BCAR3: variants seen among roughly 807,000 people sequenced by gnomAD.
BCAR3 encodes breast cancer anti-estrogen resistance protein 3.
BCAR3 carries 37 observed loss-of-function variants against 80.1 expected under a neutral mutation model. The ratio of observed to expected loss-of-function variants is 0.46; its 90% CI spans 0.36 to 0.61. BCAR3 has a LOEUF of 0.61. Ranked by LOEUF, BCAR3 falls within the 20% of genes least tolerant of loss-of-function variation. BCAR3 has a pLI of 0.00. For synonymous variants in BCAR3, 389 were observed against 418.9 expected, an observed-to-expected ratio of 0.93 and a Z score of 0.87; for missense variants, 978 against 1,068.2, an observed-to-expected ratio of 0.92 and a Z score of 1.18.
chr1:93,787,460 T>C (rs1652987428), intron 2 of BCAR3, among the ~76,000 whole-genome samples: 1 of 152,216 alleles, frequency 6.6e-6, no homozygotes, highest in South Asian at 2.1e-4. Flanking sequence ...GCTACGAACT[T>C]TCCTCTTAGC....
At chr1:93,625,063 T>C (rs78419083) in intron 3 of BCAR3, among the ~76,000 whole-genome samples, 2 of 152,026 alleles carry the variant, frequency 1.3e-5, no homozygotes, top group African/African-American at 4.8e-5. Context: ...ACAAAAAAAT[T>C]AGCCAGGCAT....
intron 2 of BCAR3, among the ~76,000 whole-genome samples, chr1:93,707,706 C>CAATA (rs938389392): frequency 1.3e-5 from 2 of 151,956 alleles, no homozygotes; most frequent in Admixed American, 1.3e-4. Flanking sequence ...GACTCAGTCT[C>CAATA]AATAAATAAA....
rs189239783 is a variant in BCAR3 at position 93,577,963 on chromosome 1, C to T, written c.1687-1834G>A. Among the ~76,000 whole-genome samples, 13 of 152,372 alleles carry T rather than the reference C, an allele frequency of 8.5e-5. No individual in the cohort carries two copies. In the East Asian group the frequency reaches 9.6e-4, roughly 11 times the overall value. ...GGCTGAGGGGATCCCAAGCTCACAC[C>T]GCAGGGCCTGCATTAGGTTCCCTGA... is the stretch of plus-strand genomic sequence containing the variant. On this transcript the variant is annotated intron_variant, in intron 7 of 11. Coordinates refer to ENST00000260502, the MANE Select transcript of BCAR3 (RefSeq NM_003567.4).
At chr1:93,762,852 C>G (rs759762377) in intron 2 of BCAR3, among the ~76,000 whole-genome samples, 1 of 152,070 alleles carries the variant, frequency 6.6e-6, no homozygotes, top group South Asian at 2.1e-4. Context: ...TCTCCCAGTC[C>G]CCTCCATTCC....
intron 2 of BCAR3, among the ~76,000 whole-genome samples, chr1:93,820,715 A>G (rs1056796353): frequency 3.3e-5 from 5 of 152,126 alleles, no homozygotes; most frequent in African/African-American, 1.2e-4. Context: ...TTACATAGGC[A>G]TGATTGATTA....
chr1:93,667,629 G>A (rs962477396), intron 2 of BCAR3, among the ~76,000 whole-genome samples: 1 of 152,174 alleles, frequency 6.6e-6, no homozygotes, highest in Non-Finnish European at 1.5e-5. Flanking sequence ...AACTAGGGAA[G>A]GTTTCTCAGA....
At chr1:93,572,276 A>C (rs1673250834) in intron 8 of BCAR3, among the ~76,000 whole-genome samples, 1 of 152,152 alleles carries the variant, frequency 6.6e-6, no homozygotes, top group African/African-American at 2.4e-5. Context: ...GGATTTGGGG[A>C]TGGAAGGGAC....
chr1:93,642,913 T>A (rs936416365), intron 2 of BCAR3, among the ~76,000 whole-genome samples: 3 of 152,192 alleles, frequency 2.0e-5, no homozygotes, highest in Non-Finnish European at 4.4e-5. Context: ...ATCCTACTGT[T>A]CTGTGTGCCC....
intron 2 of BCAR3, among the ~76,000 whole-genome samples, chr1:93,802,824 C>T (rs1399818649): frequency 6.6e-6 from 1 of 152,184 alleles, no homozygotes; most frequent in African/African-American, 2.4e-5. Flanking sequence ...CTTTTAGAAG[C>T]TTCTAAATAC....
At chr1:93,733,855 T>C (rs968528207) in intron 2 of BCAR3, among the ~76,000 whole-genome samples, 11 of 152,262 alleles carry the variant, frequency 7.2e-5, no homozygotes, top group African/African-American at 2.7e-4. Flanking sequence ...CTTTTTTCTT[T>C]TAAGCATTAG....
Position 93,739,998 on chromosome 1 carries a change from T to TCGGGTG in BCAR3, c.-62-33857_-62-33856insCACCCG, listed in dbSNP as rs1170324347. 2.6e-4 allele frequency among the ~76,000 whole-genome samples: 39 copies of TCGGGTG among 148,526 alleles called. 3 individuals carry two copies. The highest frequency in any genetic ancestry group is 1.2e-3 in the Admixed American group (18 of 14,784). On this transcript the variant is annotated intron_variant, in intron 2 of 13. Transcript: ENST00000370244. ...GTGCAGTGAGCCGAGATCATGCCAC[T>TCGGGTG]GCACTCCAGCCTGGGTGACAGAGTG...
At chr1:93,730,187 C>G (rs1650733657) in intron 2 of BCAR3, among the ~76,000 whole-genome samples, 1 of 152,142 alleles carries the variant, frequency 6.6e-6, no homozygotes, top group African/African-American at 2.4e-5. Flanking sequence ...GTGAGCTTTT[C>G]TCCTTGGAAG....
intron 3 of BCAR3, among the ~76,000 whole-genome samples, chr1:93,639,909 C>T (rs777462489): frequency 7.9e-5 from 12 of 152,134 alleles, no homozygotes; most frequent in Non-Finnish European, 1.5e-4. Context: ...TAGGATAAGA[C>T]TCCCCCTATT....
intron 2 of BCAR3, among the ~76,000 whole-genome samples, chr1:93,829,690 G>C (rs968929585): frequency 3.9e-5 from 6 of 152,148 alleles, no homozygotes; most frequent in Admixed American, 3.9e-4. Flanking sequence ...CTTTTCCCTT[G>C]TTAATTTGTC....
intron 3 of BCAR3, among the ~76,000 whole-genome samples, chr1:93,690,684 A>C (rs947120271): frequency 2.6e-5 from 4 of 152,246 alleles, no homozygotes; most frequent in African/African-American, 9.6e-5. Context: ...ATTCTAGATC[A>C]GTTTCCCCAT....
At chr1:93,684,857 G>A (rs1201394110), upstream of BCAR3, among the ~76,000 whole-genome samples, 3 of 152,100 alleles carry the variant, frequency 2.0e-5, no homozygotes, top group African/African-American at 7.2e-5. Context: ...AGCCTCCCAA[G>A]TAGCTGGGAT....
At chr1:93,573,678 G>A (rs528299269) in intron 8 of BCAR3, among the ~76,000 whole-genome samples, 267 of 149,210 alleles carry the variant, frequency 1.8e-3, no homozygotes, top group Non-Finnish European at 3.0e-3. Flanking sequence ...GCCCAGGCTG[G>A]AGTGCAGTGG....
intron 3 of BCAR3, among the ~76,000 whole-genome samples, chr1:93,616,449 T>G (rs1018463046): frequency 6.6e-6 from 1 of 152,184 alleles, no homozygotes; most frequent in South Asian, 2.1e-4. Flanking sequence ...CTATTTACGC[T>G]GATCAATTCC....
Position 93,776,531 on chromosome 1 carries a change from T to C in BCAR3, c.-63+69036A>G, listed in dbSNP as rs1652556542. On this transcript the variant is annotated intron_variant, in intron 2 of 13. Transcript: ENST00000370244. The stretch of plus-strand genomic sequence containing the variant: ...CAAATTTTCAAACAAAATCTATATA[T>C]TGTATTTGGTTGTTACGTCTATTAT... Among the ~76,000 whole-genome samples, 3 of 152,346 alleles carry C rather than the reference T, an allele frequency of 2.0e-5. No homozygotes were observed. The South Asian group carries it at 6.2e-4, about 32-fold the overall frequency.
Sources: gnomAD v4.1 joint callset for allele counts (sites outside exome capture counted in the v4.1 genomes callset) on GRCh38, gnomAD v4.1.1 for gene constraint, MANE v1.5 for transcripts, NCBI Gene and HGNC (gene_info 2026-07-23, HGNC 2026-07-21) for gene names.